Variants in EIPR1 observed in about 807,000 individuals in gnomAD.
The protein encoded by EIPR1 is EARP and GARP complex-interacting protein 1.
EIPR1 carries 25 observed loss-of-function variants against 48.1 expected under a neutral mutation model. That is an observed-to-expected ratio of 0.52 (90% CI 0.38 to 0.73). The LOEUF is 0.73. EIPR1 is among the 30% of genes least tolerant of loss of function. The pLI is 0.00. For synonymous variants in EIPR1, 204 were observed against 201.9 expected, an observed-to-expected ratio of 1.01 and a Z score of -0.09; for missense variants, 415 against 506.2, an observed-to-expected ratio of 0.82 and a Z score of 1.73.
At chr2:3,302,437 TC>T (rs1159332747) in intron 3 of EIPR1, among the ~76,000 whole-genome samples, 74 of 152,260 alleles carry the variant, frequency 4.9e-4, no homozygotes, top group Non-Finnish European at 2.5e-4. Context: ...TCTTCTGAAA[TC>T]CAGGTCCTTG....
intron 1 of EIPR1, among the ~76,000 whole-genome samples, chr2:3,366,570 T>A (rs1404616206): frequency 6.6e-6 from 1 of 151,936 alleles, no homozygotes; most frequent in African/African-American, 2.4e-5. Flanking sequence ...CTGCAAAACA[T>A]CCACAAAACA....
At chr2:3,362,649 CAAA>C (rs34072545) in intron 1 of EIPR1, among the ~76,000 whole-genome samples, 11 of 100,320 alleles carry the variant, frequency 1.1e-4, no homozygotes, top group Admixed American at 2.1e-4. Context: ...GACTCTGTCT[CAAA>C]AAAAAAAAAA....
chr2:3,340,309 G>C (rs913497331), intron 2 of EIPR1, among the ~76,000 whole-genome samples: 3 of 152,202 alleles, frequency 2.0e-5, no homozygotes, highest in Non-Finnish European at 4.4e-5. Flanking sequence ...CGCCAGCACC[G>C]GGTCCTGGGG....
At chr2:3,368,875 C>T (rs1006147477) in intron 1 of EIPR1, among the ~76,000 whole-genome samples, 21 of 152,292 alleles carry the variant, frequency 1.4e-4, no homozygotes, top group African/African-American at 4.8e-4. Context: ...CAGCATTTTG[C>T]GATCTTAACG....
rs6711481 is a variant in EIPR1, at chr2:3,349,894, C to T, written c.126+4656G>A. ...ATCCCAGCACTTTGGGAGGCCAAGGCGGGCAGATCACCTGAAGTCAGGAGT... is the reference window on the plus strand; with the variant it reads ...ATCCCAGCACTTTGGGAGGCCAAGGTGGGCAGATCACCTGAAGTCAGGAGT... On this transcript the variant is annotated intron_variant, in intron 2 of 8. Coordinates refer to ENST00000382125, the MANE Select transcript of EIPR1 (RefSeq NM_003310.5). Among the ~76,000 whole-genome samples the T allele has an allele frequency of 9.3e-4, 141 of 152,182 alleles. No individual in the cohort carries two copies. In the South Asian group the frequency reaches 9.3e-3, roughly 10 times the overall value.
intron 1 of EIPR1, among the ~76,000 whole-genome samples, chr2:3,355,168 T>G (rs1245881617): frequency 2.0e-5 from 3 of 152,176 alleles, no homozygotes; most frequent in African/African-American, 7.2e-5. Context: ...CTGGTCACGC[T>G]TCACCTAAAG....
At chr2:3,227,791 T>C (rs563001512) in intron 4 of EIPR1, among the ~76,000 whole-genome samples, 1 of 152,360 alleles carries the variant, frequency 6.6e-6, no homozygotes, top group Non-Finnish European at 1.5e-5. Context: ...CTGCTCCAGC[T>C]GTGGCTAAAA....
chr2:3,223,825 C>G lies in EIPR1; in HGVS notation c.417-9577G>C, dbSNP rs956539528. 1.4e-4 allele frequency among the ~76,000 whole-genome samples: 22 copies of G among 152,198 alleles called. 2 individuals carry two copies. In the East Asian group the frequency reaches 4.1e-3, roughly 28 times the overall value. On this transcript the variant is annotated intron_variant, in intron 4 of 8. Coordinates refer to ENST00000382125, the MANE Select transcript of EIPR1 (RefSeq NM_003310.5). ...CATGGCGGCATGCCTGTGGACAAAG[C>G]CAGAACCAATTCGTCCAGTGGACTC...
intron 3 of EIPR1, among the ~76,000 whole-genome samples, chr2:3,260,101 TA>T (rs539020914): frequency 9.0e-4 from 137 of 152,362 alleles, no homozygotes; most frequent in African/African-American, 3.2e-3. Flanking sequence ...TAAGAACTTC[TA>T]TTCACCAAAA....
intron 3 of EIPR1, among the ~76,000 whole-genome samples, chr2:3,299,052 A>C (rs763796910): frequency 2.0e-5 from 3 of 152,206 alleles, no homozygotes; most frequent in Admixed American, 6.5e-5. Flanking sequence ...CCACCATAGC[A>C]CTATTAATGA....
At position 3,277,708 on chromosome 2, in the gene EIPR1, C is replaced by T. The variant is rs530485624; in HGVS notation, c.260-20253G>A. 3.9e-5 allele frequency among the ~76,000 whole-genome samples: 6 copies of T among 152,350 alleles called. No individual in the cohort carries two copies. The East Asian group carries it at 5.8e-4, about 15-fold the overall frequency. On this transcript the variant is annotated intron_variant, in intron 3 of 8. Coordinates refer to ENST00000382125, the MANE Select transcript of EIPR1 (RefSeq NM_003310.5). ...GGCATGAGTGGGGGTCCCTGCCAGG[C>T]GCTGCCTGCAGTCGGCCGTATCTCA...
intron 3 of EIPR1, among the ~76,000 whole-genome samples, chr2:3,278,896 C>T (rs940652993): frequency 6.6e-6 from 1 of 152,210 alleles, no homozygotes; most frequent in African/African-American, 2.4e-5. Context: ...ATTAGCCTCA[C>T]CTCCAGCCAA....
chr2:3,298,567 A>C (rs1423946973), intron 3 of EIPR1: 1 of 152,008 alleles, frequency 6.6e-6, no homozygotes, highest in Non-Finnish European at 1.5e-5. Flanking sequence ...GTTCTGTAAT[A>C]ATGATCCTCC....
intron 3 of EIPR1, among the ~76,000 whole-genome samples, chr2:3,322,661 C>T (rs1302280071): frequency 2.0e-5 from 3 of 152,190 alleles, no homozygotes; most frequent in East Asian, 1.9e-4. Context: ...CAGAGTCCCT[C>T]GCACACACAT....
chr2:3,229,053 G>T (rs527741164), intron 4 of EIPR1, among the ~76,000 whole-genome samples: 1 of 152,164 alleles, frequency 6.6e-6, no homozygotes, highest in Admixed American at 6.5e-5. Flanking sequence ...AATTATTTTT[G>T]ATGAGAATTT....
At chr2:3,300,676 A>C (rs1668738206) in intron 3 of EIPR1, among the ~76,000 whole-genome samples, 1 of 152,228 alleles carries the variant, frequency 6.6e-6, no homozygotes, top group Non-Finnish European at 1.5e-5. Flanking sequence ...ACCAAAAACA[A>C]AAACAAGAAG....
At chr2:3,292,533 G>A (rs183195361) in intron 3 of EIPR1, among the ~76,000 whole-genome samples, 5 of 152,338 alleles carry the variant, frequency 3.3e-5, no homozygotes, top group East Asian at 1.9e-4. Flanking sequence ...TCCCCAGAGC[G>A]ATCTCCAGAT....
Position 3,352,826 on chromosome 2 carries a change from G to A in EIPR1, c.126+1724C>T, listed in dbSNP as rs180709113. 2.2e-4 allele frequency among the ~76,000 whole-genome samples: 33 copies of A among 152,264 alleles called. No homozygotes were observed. The East Asian group carries it at 3.1e-3, about 14-fold the overall frequency. The stretch of plus-strand genomic sequence containing the variant: ...AGCCTGGCCAACGTGGTGAAACCCC[G>A]TCTCTACTAAAAATACAAAAATTAG... On this transcript the variant is annotated intron_variant, in intron 2 of 8. Transcript: ENST00000382125.
intron 4 of EIPR1, among the ~76,000 whole-genome samples, chr2:3,250,323 C>T (rs900136315): frequency 2.6e-5 from 4 of 152,248 alleles, no homozygotes; most frequent in African/African-American, 4.8e-5. Context: ...TAATACCTTT[C>T]CTGCCAGGTT....
Sources: allele counts gnomAD v4.1 joint callset (sites outside exome capture counted in the v4.1 genomes callset), GRCh38; gene constraint gnomAD v4.1.1; transcripts MANE v1.5; gene names NCBI Gene and HGNC (gene_info 2026-07-23, HGNC 2026-07-21).